Variants in BTBD9 observed in about 807,000 individuals in gnomAD.
BTBD9 encodes BTB/POZ domain-containing protein 9.
A neutral mutation model predicts 64.3 loss-of-function variants in BTBD9; 49 were observed. The observed-to-expected ratio is 0.76, with a 90% CI of 0.61 to 0.97. BTBD9 has a LOEUF of 0.97. Ranked by LOEUF, BTBD9 falls within the 50% of genes least tolerant of loss-of-function variation. The probability of loss-of-function intolerance (pLI) is 0.00; values close to 1 mark genes in which losing one functional copy is unlikely to be tolerated. For missense variants in BTBD9, 598 were observed against 762.1 expected (o/e 0.78, Z 2.53); for synonymous variants, 260 against 274.7 (o/e 0.95, Z 0.53).
At chr6:38,455,481 T>C (rs1264456392) in intron 6 of BTBD9, among the ~76,000 whole-genome samples, 1 of 152,226 alleles carries the variant, frequency 6.6e-6, no homozygotes, top group Non-Finnish European at 1.5e-5. Flanking sequence ...CATTTTGCCT[T>C]TTATAGAATG....
chr6:38,269,203 T>C (rs1332911132), intron 8 of BTBD9, among the ~76,000 whole-genome samples: 7 of 152,164 alleles, frequency 4.6e-5, no homozygotes, highest in Admixed American at 4.6e-4. Context: ...AGAAAAATAA[T>C]AGCAACATCT....
At chr6:38,210,617 G>C in intron 9 of BTBD9, among the ~76,000 whole-genome samples, 1 of 151,452 alleles carries the variant, frequency 6.6e-6, no homozygotes, top group East Asian at 1.9e-4. Flanking sequence ...ACAGAAAGAG[G>C]AGACGCCTAG....
chr6:38,621,255 G>A (rs1440190231), intron 1 of BTBD9, among the ~76,000 whole-genome samples: 1 of 152,212 alleles, frequency 6.6e-6, no homozygotes, highest in Non-Finnish European at 1.5e-5. Flanking sequence ...TTAGATATCA[G>A]GGGCTACTCC....
chr6:38,385,991 A>G (rs1766151201), intron 6 of BTBD9, among the ~76,000 whole-genome samples: 1 of 151,924 alleles, frequency 6.6e-6, no homozygotes, highest in Admixed American at 6.6e-5. Flanking sequence ...GGGTTTCGCT[A>G]TGTTGGCCAG....
intron 6 of BTBD9, among the ~76,000 whole-genome samples, chr6:38,464,485 ATTTTCTTTTC>A (rs70981552): frequency 6.7e-6 from 1 of 149,992 alleles, no homozygotes; most frequent in African/African-American, 2.5e-5. Flanking sequence ...ATTGTCTATA[ATTTTCTTTTC>A]TTTTCTTTTC....
chr6:38,282,117 G>T (rs568250017), intron 8 of BTBD9, among the ~76,000 whole-genome samples: 62 of 152,236 alleles, frequency 4.1e-4, no homozygotes, highest in Non-Finnish European at 5.0e-4. Context: ...GACATTAGGT[G>T]GATTTGGTTA....
chr6:38,526,187 C>T (rs560266032), intron 6 of BTBD9, among the ~76,000 whole-genome samples: 7 of 152,332 alleles, frequency 4.6e-5, no homozygotes, highest in South Asian at 2.1e-4. Flanking sequence ...TGCCCTGTAT[C>T]GCACCTGCTC....
At chr6:38,328,237 G>A (rs1763516710) in intron 7 of BTBD9, among the ~76,000 whole-genome samples, 1 of 152,116 alleles carries the variant, frequency 6.6e-6, no homozygotes, top group South Asian at 2.1e-4. Context: ...CACTATTATG[G>A]ACTGAACTGT....
chr6:38,381,454 T>G (rs896543250), intron 6 of BTBD9, among the ~76,000 whole-genome samples: 2 of 152,140 alleles, frequency 1.3e-5, no homozygotes, highest in African/African-American at 4.8e-5. Flanking sequence ...TTTCAAAATA[T>G]ACTAAGCAAA....
chr6:38,612,891 T>C (rs1472244626), intron 1 of BTBD9: 1 of 152,226 alleles, frequency 6.6e-6, no homozygotes, highest in African/African-American at 2.4e-5. Flanking sequence ...GTTTGCTCTC[T>C]TGGGCTCATG....
At chr6:38,365,617 G>C (rs1174077302) in intron 6 of BTBD9, among the ~76,000 whole-genome samples, 3 of 151,972 alleles carry the variant, frequency 2.0e-5, no homozygotes, top group Non-Finnish European at 4.4e-5. Flanking sequence ...AATTTGCAGG[G>C]CGTGGTGGCA....
At chr6:38,270,335 C>T (rs935048943) in intron 8 of BTBD9, among the ~76,000 whole-genome samples, 1 of 151,956 alleles carries the variant, frequency 6.6e-6, no homozygotes, top group South Asian at 2.1e-4. Flanking sequence ...GCTTACCCCC[C>T]ACCCCCCACT....
At chr6:38,442,379 C>T (rs146884446) in intron 6 of BTBD9, among the ~76,000 whole-genome samples, 294 of 151,978 alleles carry the variant, frequency 1.9e-3, no homozygotes, top group African/African-American at 6.9e-3. Flanking sequence ...CCAGCCTACT[C>T]GGGAGGCTTG....
At chr6:38,527,239 G>A (rs1052803377) in intron 6 of BTBD9, among the ~76,000 whole-genome samples, 1 of 111,866 alleles carries the variant, frequency 8.9e-6, no homozygotes, top group African/African-American at 3.5e-5. Context: ...TCGCACCACT[G>A]CACTCCAGAG....
At chr6:38,505,738 G>A (rs1335860941) in intron 6 of BTBD9, among the ~76,000 whole-genome samples, 1 of 151,706 alleles carries the variant, frequency 6.6e-6, no homozygotes, top group Non-Finnish European at 1.5e-5. Flanking sequence ...AGGCTGAGGT[G>A]GACAGATCAC....
intron 7 of BTBD9, among the ~76,000 whole-genome samples, chr6:38,291,296 A>G (rs575922286): frequency 1.5e-4 from 23 of 152,212 alleles, no homozygotes; most frequent in African/African-American, 5.3e-4. Flanking sequence ...CTCTCTGTTT[A>G]TCTGTTATTG....
Position 38,544,263 on chromosome 6 carries a change from A to G in BTBD9, c.1154+33337T>C, listed in dbSNP as rs74293645. On this transcript the variant is annotated intron_variant, in intron 6 of 10. Transcript: ENST00000481247. ...TGTGTAGGTTATGTGCAATTACTAT[A>G]CCATTTTATATAACAGACTTGAGTA... 1.5e-3 allele frequency among the ~76,000 whole-genome samples: 235 copies of G among 152,278 alleles called. 1 individual carries two copies. The Middle Eastern group carries it at 0.017, about 11-fold the overall frequency.
At chr6:38,360,211 G>A (rs1764894465) in intron 6 of BTBD9, among the ~76,000 whole-genome samples, 1 of 152,146 alleles carries the variant, frequency 6.6e-6, no homozygotes, top group African/African-American at 2.4e-5. Context: ...CATCTGTAAA[G>A]GGGAAAATAA....
At chr6:38,504,875 C>T (rs932556719) in intron 6 of BTBD9, among the ~76,000 whole-genome samples, 3 of 152,266 alleles carry the variant, frequency 2.0e-5, no homozygotes, top group South Asian at 2.1e-4. Flanking sequence ...AGGTCGATTC[C>T]GGTGCAATTG....
Sources: allele counts gnomAD v4.1 joint callset (sites outside exome capture counted in the v4.1 genomes callset), GRCh38; gene constraint gnomAD v4.1.1; transcripts MANE v1.5; gene names NCBI Gene and HGNC (gene_info 2026-07-23, HGNC 2026-07-21).